Variants in ANO2 observed in about 807,000 individuals in gnomAD.
ANO2 encodes anoctamin-2.
A neutral mutation model predicts 124.2 loss-of-function variants in ANO2; 101 were observed. The observed-to-expected ratio is 0.81, with a 90% confidence interval of 0.69 to 0.96. ANO2 has a LOEUF of 0.96. ANO2 is among the 40% of genes least tolerant of loss of function. ANO2 has a pLI of 0.00. For missense variants in ANO2, 1,293 were observed against 1,274.5 expected (o/e 1.01, Z -0.22); for synonymous variants, 486 against 482.5 (o/e 1.01, Z -0.09).
chr12:5,580,779 T>G (rs1565434346), intron 20 of ANO2, among the ~76,000 whole-genome samples: 1 of 152,218 alleles, frequency 6.6e-6, no homozygotes, highest in Non-Finnish European at 1.5e-5. Flanking sequence ...CAGCCCACAG[T>G]TGTGGGTCAC....
intron 14 of ANO2, among the ~76,000 whole-genome samples, chr12:5,694,403 G>C (rs1465271057): frequency 6.6e-6 from 1 of 152,010 alleles, no homozygotes; most frequent in Non-Finnish European, 1.5e-5. Flanking sequence ...TTTGGGGAAG[G>C]ATGAGCAGTT....
intron 6 of ANO2, among the ~76,000 whole-genome samples, chr12:5,828,991 G>T (rs550757713): frequency 1.3e-5 from 2 of 152,282 alleles, no homozygotes; most frequent in South Asian, 2.1e-4. Flanking sequence ...TTCTCAATGT[G>T]GGGTGGACTG....
In ANO2 at chr12:5,827,908, G is replaced by A. The variant is rs1044302511; in HGVS notation, c.841-88C>T. On this transcript the variant is annotated intron_variant, in intron 6 of 24. Coordinates refer to ENST00000682330, the MANE Select transcript of ANO2 (RefSeq NM_001364791.2). ...ACCCTCACCACTGCCTGGCAGGGGCGGGAGGCGCCCGGGCTCATTTGGAGC... is the reference window on the plus strand; with the variant it reads ...ACCCTCACCACTGCCTGGCAGGGGCAGGAGGCGCCCGGGCTCATTTGGAGC... The A allele has an allele frequency of 1.0e-5, 15 of 1,455,824 alleles. No homozygotes were observed. In the African/African-American group the frequency reaches 1.1e-4, roughly 11 times the overall value. The allele number at this position is 1,455,824 out of a possible 1,614,324, so 90.2% of individuals were successfully genotyped here.
chr12:5,808,623 A>T (rs1334953611), intron 7 of ANO2, among the ~76,000 whole-genome samples: 1 of 152,182 alleles, frequency 6.6e-6, no homozygotes, highest in African/African-American at 2.4e-5. Context: ...TGTAGACTGT[A>T]GTGAGATGAG....
intron 1 of ANO2, among the ~76,000 whole-genome samples, chr12:5,927,029 G>T (rs1023143200): frequency 4.2e-4 from 64 of 152,094 alleles, no homozygotes; most frequent in African/African-American, 1.5e-3. Flanking sequence ...CCTACTTCAG[G>T]ACGTCCATGC....
At chr12:5,665,174 CTACTGGACCTCCAAGAAG>C in intron 14 of ANO2, among the ~76,000 whole-genome samples, 1 of 152,296 alleles carries the variant, frequency 6.6e-6, no homozygotes, top group East Asian at 1.9e-4. Flanking sequence ...GGTGCAGGGG[CTACTGGACCTCCAAGAAG>C]TGATGGATTT....
chr12:5,771,540 G>T (rs1043981020), intron 10 of ANO2, among the ~76,000 whole-genome samples: 1 of 152,098 alleles, frequency 6.6e-6, no homozygotes, highest in African/African-American at 2.4e-5. Flanking sequence ...AGCACTTTGG[G>T]AGGCCAAGGC....
intron 10 of ANO2, among the ~76,000 whole-genome samples, chr12:5,799,220 T>C (rs1398659573): frequency 6.6e-6 from 1 of 152,220 alleles, no homozygotes; most frequent in Non-Finnish European, 1.5e-5. Context: ...GACAGCTCCA[T>C]GCACCCCTCC....
intron 20 of ANO2, among the ~76,000 whole-genome samples, chr12:5,585,025 C>T (rs1216534585): frequency 6.6e-6 from 1 of 152,038 alleles, no homozygotes; most frequent in Non-Finnish European, 1.5e-5. Flanking sequence ...GACATGGAAA[C>T]AATCCTTGAC....
rs945883067 is a variant in ANO2, at chr12:5,787,938, G to A, written c.1055+11569C>T. ...GAAACAGTCCCACCTTTTACCTGTC[G>A]TTGCACTGTGGCAGCCTGGATTTGT... On this transcript the variant is annotated intron_variant, in intron 10 of 24. Transcript: ENST00000682330. This position sits in a 1 kb window ranked among gnomAD's most constrained non-coding sequence, Gnocchi z 4.2. Among the ~76,000 whole-genome samples, 6 of 152,126 alleles carry A rather than the reference G, an allele frequency of 3.9e-5. No homozygotes were observed. The highest frequency in any genetic ancestry group is 2.1e-4 in the South Asian group (1 of 4,828).
At chr12:5,799,753 A>G (rs1952985164) in intron 9 of ANO2, among the ~76,000 whole-genome samples, 182 bp from the exon 10 acceptor site, 1 of 152,172 alleles carries the variant, frequency 6.6e-6, no homozygotes, top group African/African-American at 2.4e-5. Context: ...CCTTCCTCAA[A>G]CAACAGAGAT....
chr12:5,897,486 C>T (rs1291133846), intron 3 of ANO2, among the ~76,000 whole-genome samples: 2 of 151,970 alleles, frequency 1.3e-5, no homozygotes, highest in African/African-American at 2.4e-5. Flanking sequence ...GAAATAACTT[C>T]CAAAAAAAGT....
intron 14 of ANO2, among the ~76,000 whole-genome samples, chr12:5,694,764 T>C (rs1295798494): frequency 6.6e-6 from 1 of 152,178 alleles, no homozygotes; most frequent in Non-Finnish European, 1.5e-5. Flanking sequence ...GTTTGTTTTT[T>C]AACTAGCATT....
chr12:5,619,588 A>G (rs1011773603), intron 16 of ANO2, among the ~76,000 whole-genome samples: 6 of 152,116 alleles, frequency 3.9e-5, no homozygotes, highest in African/African-American at 1.4e-4. Context: ...GAGGTGGCGT[A>G]TGCTGCTTCC....
chr12:5,635,065 C>G lies in ANO2; in HGVS notation c.1816+87G>C. ...CTGTACAAAGCATCCTGTCCCTGTC[C>G]CATTTTTTTTATTTTATCACCAAAA... On this transcript the variant is annotated intron_variant, in intron 16 of 24. Coordinates refer to ENST00000682330, the MANE Select transcript of ANO2 (RefSeq NM_001364791.2). The surrounding 1 kb of genome is among the most constrained non-coding windows in gnomAD (Gnocchi z 5.2). 1 of 1,210,478 alleles carries G rather than the reference C, an allele frequency of 8.3e-7. No individual in the cohort carries two copies. The highest frequency in any genetic ancestry group is 1.1e-6 in the Non-Finnish European group (1 of 896,096). The allele number at this position is 1,210,478 out of a possible 1,614,324, so 75.0% of individuals were successfully genotyped here.
intron 20 of ANO2, among the ~76,000 whole-genome samples, chr12:5,586,399 C>T (rs76951051): frequency 0.011 from 1,634 of 152,286 alleles, 14 homozygotes; most frequent in African/African-American, 0.026. Flanking sequence ...AATGACTCAG[C>T]GTGTGTAAAC....
intron 14 of ANO2, among the ~76,000 whole-genome samples, chr12:5,691,327 C>CAAAAAA (rs60573302): frequency 9.5e-4 from 82 of 86,706 alleles, no homozygotes; most frequent in Non-Finnish European, 1.1e-3. Context: ...GACTCCATCT[C>CAAAAAA]AAAAAAAAAA....
intron 14 of ANO2, among the ~76,000 whole-genome samples, chr12:5,731,976 G>A (rs1381035893): frequency 6.6e-6 from 1 of 152,170 alleles, no homozygotes; most frequent in Non-Finnish European, 1.5e-5. Context: ...TAGAGGCACA[G>A]ACTAATAGAC....
chr12:5,910,517 CATCTT>C (rs1460431077), intron 3 of ANO2, among the ~76,000 whole-genome samples: 1 of 152,150 alleles, frequency 6.6e-6, no homozygotes, highest in African/African-American at 2.4e-5. Flanking sequence ...CACAGGAACT[CATCTT>C]AATGTAGGTT....
Sources: allele counts gnomAD v4.1 joint callset (sites outside exome capture counted in the v4.1 genomes callset), GRCh38; gene constraint gnomAD v4.1.1; non-coding constraint Gnocchi (gnomAD v3.1); transcripts MANE v1.5; gene names NCBI Gene and HGNC (gene_info 2026-07-23, HGNC 2026-07-21).